Variants in ZFHX3 observed in about 807,000 individuals in gnomAD.
ZFHX3 encodes zinc finger homeobox protein 3.
A neutral mutation model predicts 279.1 loss-of-function variants in ZFHX3; 42 were observed. The ratio of observed to expected loss-of-function variants is 0.15; its 90% CI spans 0.12 to 0.19. ZFHX3 has a LOEUF of 0.19. Among genes scored for constraint, ZFHX3 ranks in the 10% least tolerant of loss-of-function variants. ZFHX3 has a pLI of 1.00. For synonymous variants in ZFHX3, 2,293 were observed against 1,957.8 expected (o/e 1.17, Z -4.52); for missense variants, 4,981 against 4,754.0 (o/e 1.05, Z -1.40).
chr16:73,620,451 G>A (rs761554576), intron 2 of ZFHX3, among the ~76,000 whole-genome samples: 5 of 152,222 alleles, frequency 3.3e-5, no homozygotes, highest in African/African-American at 4.8e-5. Flanking sequence ...TAATCATGAA[G>A]CTTCAGTGGC....
At chr16:73,746,970 T>C (rs1395505559) in intron 1 of ZFHX3, among the ~76,000 whole-genome samples, 1 of 152,212 alleles carries the variant, frequency 6.6e-6, no homozygotes, top group Admixed American at 6.5e-5. Context: ...TTTATCAATC[T>C]TTTTTAAAAA....
chr16:72,957,392 A>T (rs545609487), intron 2 of ZFHX3, 35 bp downstream of exon 2: 1 of 1,560,382 alleles, frequency 6.4e-7, no homozygotes, highest in Non-Finnish European at 8.7e-7. Flanking sequence ...TTAAACTCCT[A>T]TCATGAAAAC....
intron 2 of ZFHX3, among the ~76,000 whole-genome samples, chr16:73,479,881 G>A (rs1262089472): frequency 6.6e-6 from 1 of 152,202 alleles, no homozygotes; most frequent in Non-Finnish European, 1.5e-5. Context: ...GACCTTGAGG[G>A]TGAGAGGACA....
At chr16:73,270,679 T>TGG (rs577444467) in intron 4 of ZFHX3, among the ~76,000 whole-genome samples, 1 of 152,294 alleles carries the variant, frequency 6.6e-6, no homozygotes, top group South Asian at 2.1e-4. Flanking sequence ...TCATGGTATA[T>TGG]GGAGGTCAGC....
chr16:73,259,297 C>A (rs2013750261), intron 4 of ZFHX3, among the ~76,000 whole-genome samples: 1 of 152,168 alleles, frequency 6.6e-6, no homozygotes, highest in Admixed American at 6.5e-5. Context: ...AATTACACTC[C>A]CTCCAACACA....
chr16:72,815,050 T>C lies in ZFHX3; in HGVS notation c.3530-3012A>G, dbSNP rs539999567. On this transcript the variant is annotated intron_variant, in intron 5 of 9. Transcript: ENST00000268489. ...CCTTGCTTGACCTCAGACATTAAAATGTCAGTCCCTATCAAGACATCGTAC... is the reference window on the plus strand; with the variant it reads ...CCTTGCTTGACCTCAGACATTAAAACGTCAGTCCCTATCAAGACATCGTAC... Among the ~76,000 whole-genome samples, 4 of 152,274 alleles carry C rather than the reference T, an allele frequency of 2.6e-5. No homozygotes were observed. The East Asian group carries it at 5.8e-4, about 22-fold the overall frequency.
At chr16:73,096,628 C>A (rs28595318) in intron 7 of ZFHX3, among the ~76,000 whole-genome samples, 43,613 of 150,508 alleles carry the variant, frequency 0.29, 6,705 homozygotes, top group South Asian at 0.39. Context: ...TGGTCTCAAA[C>A]TCCTGACCTC....
intron 5 of ZFHX3, among the ~76,000 whole-genome samples, chr16:73,218,971 T>C (rs2012309302): frequency 6.6e-6 from 1 of 152,214 alleles, no homozygotes; most frequent in Admixed American, 6.5e-5. Context: ...CCCCAGCTTC[T>C]GGCCACCACA....
chr16:73,338,139 A>ATGAAGG (rs2015953972), intron 3 of ZFHX3, among the ~76,000 whole-genome samples: 1 of 152,120 alleles, frequency 6.6e-6, no homozygotes, highest in Non-Finnish European at 1.5e-5. Context: ...CGTGCTGAAG[A>ATGAAGG]AAACCGCACA....
chr16:73,122,371 T>TG, intron 7 of ZFHX3, among the ~76,000 whole-genome samples: 1 of 150,244 alleles, frequency 6.7e-6, no homozygotes, highest in East Asian at 1.9e-4. Context: ...CTAATTTTTG[T>TG]ATTTTTTTTT....
intron 1 of ZFHX3, among the ~76,000 whole-genome samples, chr16:73,883,190 C>T (rs1048653191): frequency 6.6e-6 from 1 of 151,896 alleles, no homozygotes; most frequent in African/African-American, 2.4e-5. Context: ...ATCAAGAAAA[C>T]ATTATTAATA....
intron 3 of ZFHX3, among the ~76,000 whole-genome samples, chr16:73,332,490 A>C (rs1336150842): frequency 6.6e-6 from 1 of 152,236 alleles, no homozygotes; most frequent in Non-Finnish European, 1.5e-5. Context: ...TCCCAGCAGC[A>C]CAGGTCTCTG....
At chr16:73,025,918 G>T (rs1964480135) in intron 1 of ZFHX3, among the ~76,000 whole-genome samples, 2 of 152,140 alleles carry the variant, frequency 1.3e-5, no homozygotes. Flanking sequence ...GACAGACTGA[G>T]ACTCAAACTT....
chr16:73,249,188 T>C (rs1053225634), intron 5 of ZFHX3, among the ~76,000 whole-genome samples: 9 of 152,232 alleles, frequency 5.9e-5, no homozygotes, highest in African/African-American at 9.6e-5. Context: ...TTCCCCTACA[T>C]GTTTTTGCCT....
chr16:73,704,933 C>A (rs1195939890), intron 1 of ZFHX3, among the ~76,000 whole-genome samples: 8 of 152,160 alleles, frequency 5.3e-5, no homozygotes, highest in Non-Finnish European at 8.8e-5. Context: ...AGTAGGAGGT[C>A]AAGGGAGCCC....
In ZFHX3 at chr16:72,958,700, TTCC is replaced by T. The variant is rs747702902; in HGVS notation, c.1443_1445del (p.Glu487del). 50 of 1,613,624 alleles carry T rather than the reference TTCC, an allele frequency of 3.1e-5. No homozygotes were observed. The highest frequency in any genetic ancestry group is 3.4e-4 in the Middle Eastern group (2 of 5,952). On this transcript the variant is annotated inframe_deletion, in exon 2 of 10. Coordinates refer to ENST00000268489, the MANE Select transcript of ZFHX3 (RefSeq NM_006885.4). ...AACCCTCGTCTTCCTCCTCCTCTTC[TTCC>T]TCCTCCTCTTCTTCCTCCTCCTCCT...
At chr16:73,115,173 G>A (rs1014024398) in intron 7 of ZFHX3, among the ~76,000 whole-genome samples, 3 of 151,994 alleles carry the variant, frequency 2.0e-5, no homozygotes, top group African/African-American at 7.2e-5. Flanking sequence ...CTCAGCAGAC[G>A]CTGCTGAGTT....
At chr16:73,778,236 TAAAAAAAAAAA>T (rs10654824) in intron 1 of ZFHX3, among the ~76,000 whole-genome samples, 1 of 58,706 alleles carries the variant, frequency 1.7e-5, no homozygotes, top group Admixed American at 2.4e-4. Flanking sequence ...GAAGGAGTGT[TAAAAAAAAAAA>T]AAAAAAAAAA....
chr16:73,778,231 A>T (rs1003158579), intron 1 of ZFHX3, among the ~76,000 whole-genome samples: 3 of 104,072 alleles, frequency 2.9e-5, no homozygotes, highest in Non-Finnish European at 3.8e-5. Context: ...CTGTTGAAGG[A>T]GTGTTAAAAA....
Sources: allele counts gnomAD v4.1 joint callset (sites outside exome capture counted in the v4.1 genomes callset), GRCh38; gene constraint gnomAD v4.1.1; transcripts MANE v1.5; gene names NCBI Gene and HGNC (gene_info 2026-07-23, HGNC 2026-07-21).